The following TENM4 variants were observed in gnomAD, a reference collection of about 807,000 sequenced individuals.
The protein encoded by TENM4 is teneurin-4.
In TENM4, 82 loss-of-function variants were observed where a neutral mutation model predicts 243.3. The ratio of observed to expected loss-of-function variants is 0.34; its 90% CI spans 0.28 to 0.40. The LOEUF (loss-of-function observed/expected upper bound fraction) is 0.40, where lower values mean the gene tolerates loss of function less well. Among genes scored for constraint, TENM4 ranks in the 10% least tolerant of loss-of-function variants. The probability of loss-of-function intolerance (pLI) is 1.00; values close to 1 mark genes in which losing one functional copy is unlikely to be tolerated. For synonymous variants in TENM4, 1,412 were observed against 1,456.3 expected, an observed-to-expected ratio of 0.97 and a Z score of 0.69; for missense variants, 3,138 against 3,673.3, an observed-to-expected ratio of 0.85 and a Z score of 3.77.
At chr11:79,328,141 G>A (rs111326306) in intron 1 of TENM4, among the ~76,000 whole-genome samples, 3,495 of 152,248 alleles carry the variant, frequency 0.023, 69 homozygotes, top group Non-Finnish European at 0.037. Context: ...TAAGAAAAAG[G>A]TGAAGGAAGA....
At chr11:79,012,157 T>G (rs1858662836) in intron 6 of TENM4, among the ~76,000 whole-genome samples, 1 of 152,202 alleles carries the variant, frequency 6.6e-6, no homozygotes, top group Admixed American at 6.5e-5. Flanking sequence ...AAGTTGAATT[T>G]GATCAGCACA....
intron 12 of TENM4, among the ~76,000 whole-genome samples, chr11:78,822,710 G>A (rs1171445554): frequency 2.0e-5 from 3 of 151,976 alleles, no homozygotes; most frequent in Admixed American, 6.6e-5. Flanking sequence ...TCATGCACAT[G>A]TACCCTGGAA....
At chr11:79,363,250 C>A (rs1297168678) in intron 1 of TENM4, among the ~76,000 whole-genome samples, 1 of 152,240 alleles carries the variant, frequency 6.6e-6, no homozygotes. Context: ...GCAGCTGCCC[C>A]TTTTAGGGCA....
intron 2 of TENM4, among the ~76,000 whole-genome samples, chr11:79,260,634 G>A (rs1338796258): frequency 6.6e-6 from 1 of 152,144 alleles, no homozygotes; most frequent in Admixed American, 6.5e-5. Flanking sequence ...ATGCGGTAGA[G>A]GGACTCAGTG....
At position 78,752,284 on chromosome 11, in the gene TENM4, A is replaced by C. The variant is rs867188783; in HGVS notation, c.2756+4521T>G. ...GGAGATGGGGTCTGGCCTCTGAGGAAGTGAGTCTTGGGGAGAGCCCTGGGT... is the reference window on the plus strand; with the variant it reads ...GGAGATGGGGTCTGGCCTCTGAGGACGTGAGTCTTGGGGAGAGCCCTGGGT... On this transcript the variant is annotated intron_variant, in intron 19 of 33. Coordinates refer to ENST00000278550, the MANE Select transcript of TENM4 (RefSeq NM_001098816.3). Among the ~76,000 whole-genome samples, 36 of 152,280 alleles carry C rather than the reference A, an allele frequency of 2.4e-4. 2 individuals are homozygous for C. Among genetic ancestry groups the C allele is most frequent in the South Asian group, 2.3e-3 (11 of 4,820 alleles).
chr11:78,848,101 A>C (rs57686360), intron 12 of TENM4, among the ~76,000 whole-genome samples: 1 of 150,662 alleles, frequency 6.6e-6, no homozygotes, highest in Non-Finnish European at 1.5e-5. Flanking sequence ...ACACCACTGA[A>C]CATCATTGAA....
chr11:79,423,705 C>G (rs1490415268), intron 1 of TENM4, among the ~76,000 whole-genome samples: 1 of 151,990 alleles, frequency 6.6e-6, no homozygotes, highest in African/African-American at 2.4e-5. Context: ...AGGCCAGAAC[C>G]AAATCTCCTG....
At chr11:78,778,469 T>C in intron 17 of TENM4, 133 bp downstream of exon 17, 1 of 968,572 alleles carries the variant, frequency 1.0e-6, no homozygotes, top group Admixed American at 2.4e-5. Flanking sequence ...GCGACAAAAC[T>C]GGGGATGCAT....
intron 12 of TENM4, among the ~76,000 whole-genome samples, chr11:78,845,173 G>C (rs868205136): frequency 6.6e-6 from 1 of 152,158 alleles, no homozygotes; most frequent in African/African-American, 2.4e-5. Context: ...TGGTTCTCCC[G>C]ATTGATTATA....
intron 1 of TENM4, among the ~76,000 whole-genome samples, chr11:79,418,030 A>T (rs918122849): frequency 6.6e-6 from 1 of 152,342 alleles, no homozygotes; most frequent in Non-Finnish European, 1.5e-5. Flanking sequence ...TAAACGGTGT[A>T]TGTATCAGTA....
chr11:78,668,516 T>C (rs1331664472), intron 32 of TENM4, among the ~76,000 whole-genome samples: 2 of 152,166 alleles, frequency 1.3e-5, no homozygotes, highest in Non-Finnish European at 2.9e-5. Context: ...CAAGGACTCA[T>C]TAGCAGTTTG....
chr11:79,238,094 T>C (rs1263232606), intron 2 of TENM4, among the ~76,000 whole-genome samples: 1 of 152,196 alleles, frequency 6.6e-6, no homozygotes, highest in Non-Finnish European at 1.5e-5. Context: ...GCTGTACTAA[T>C]TATGTTATGA....
chr11:79,017,447 G>A (rs956771626), intron 6 of TENM4, among the ~76,000 whole-genome samples: 4 of 152,102 alleles, frequency 2.6e-5, no homozygotes, highest in Non-Finnish European at 5.9e-5. Flanking sequence ...GACCTGTTTA[G>A]TATGCAACCT....
chr11:78,892,779 T>C (rs983282198), intron 7 of TENM4, among the ~76,000 whole-genome samples: 6 of 152,362 alleles, frequency 3.9e-5, no homozygotes, highest in African/African-American at 9.6e-5. Context: ...ATTTTGTAGA[T>C]TGGCAAAGCA....
At chr11:78,980,214 T>C (rs572676150) in intron 6 of TENM4, among the ~76,000 whole-genome samples, 4 of 152,358 alleles carry the variant, frequency 2.6e-5, no homozygotes, top group Non-Finnish European at 4.4e-5. Context: ...TTGTTACTAT[T>C]GATCGAGCAC....
rs1340627648 is a variant in TENM4 at position 79,124,891 on chromosome 11, A to ATGTG, written c.-66+23818_-66+23819insCACA. 1.7e-3 allele frequency among the ~76,000 whole-genome samples: 100 copies of ATGTG among 57,872 alleles called. 1 individual carries two copies. Among genetic ancestry groups the ATGTG allele is most frequent in the Middle Eastern group, 0.01 (1 of 100 alleles). The allele number at this position is 57,872 out of a possible 152,430, so 38.0% of individuals were successfully genotyped here. The stretch of plus-strand genomic sequence containing the variant: ...TATGTATGTGTATATATGTATATGT[A>ATGTG]TATGTGTGTGTGTGTGTGTGTGTGT... On this transcript the variant is annotated intron_variant, in intron 4 of 33. Transcript: ENST00000278550.
intron 27 of TENM4, among the ~76,000 whole-genome samples, chr11:78,706,436 C>T (rs546056926): frequency 6.6e-6 from 1 of 152,334 alleles, no homozygotes; most frequent in South Asian, 2.1e-4. Flanking sequence ...CTCTCCCTTG[C>T]TTACCTCCCT....
intron 3 of TENM4, among the ~76,000 whole-genome samples, chr11:79,195,820 T>C (rs1863616267): frequency 2.0e-5 from 3 of 152,114 alleles, no homozygotes; most frequent in Non-Finnish European, 4.4e-5. Flanking sequence ...ATGATTGGTT[T>C]TGAAATGTGA....
intron 4 of TENM4, among the ~76,000 whole-genome samples, chr11:79,146,300 G>C (rs1438901409): frequency 6.6e-6 from 1 of 152,088 alleles, no homozygotes; most frequent in Non-Finnish European, 1.5e-5. Flanking sequence ...TATCTACTGT[G>C]AGCCACTGTC....
Sources: gnomAD v4.1 joint callset for allele counts (sites outside exome capture counted in the v4.1 genomes callset) on GRCh38, gnomAD v4.1.1 for gene constraint, MANE v1.5 for transcripts, NCBI Gene and HGNC (gene_info 2026-07-23, HGNC 2026-07-21) for gene names.